The following SUPT20H variants were observed in gnomAD, a reference collection of about 807,000 sequenced individuals.
SUPT20H encodes SPT20 homolog, SAGA complex component, also known as transcription factor SPT20 homolog.
Under a neutral mutation model 122.8 loss-of-function variants are expected in SUPT20H, and 82 were observed. That is an observed-to-expected ratio of 0.67 (90% CI 0.56 to 0.80). The LOEUF (loss-of-function observed/expected upper bound fraction) is 0.80, where lower values mean the gene tolerates loss of function less well. Among genes scored for constraint, SUPT20H ranks in the 30% least tolerant of loss-of-function variants. The pLI, the probability that SUPT20H is intolerant of heterozygous loss-of-function variation, is 0.00. For missense variants in SUPT20H, 831 were observed against 921.6 expected (o/e 0.90, Z 1.27); for synonymous variants, 291 against 313.0 (o/e 0.93, Z 0.74).
intron 2 of SUPT20H, among the ~76,000 whole-genome samples, chr13:37,051,192 C>T (rs1378211562): frequency 6.6e-6 from 1 of 152,082 alleles, no homozygotes; most frequent in African/African-American, 2.4e-5. Context: ...TGTATTTATA[C>T]CCATCCTCCT....
chr13:37,009,350 C>A lies in SUPT20H; in HGVS notation c.*322G>T. The A allele has an allele frequency of 9.6e-7, 1 of 1,044,170 alleles. No homozygotes were observed. 64.7% of individuals were successfully genotyped at this position (1,044,170 alleles called of 1,614,324 possible). On this transcript the variant is annotated 3_prime_UTR_variant, in exon 26 of 26. Coordinates refer to ENST00000350612, the MANE Select transcript of SUPT20H (RefSeq NM_001014286.3). ...TTTGTAAAAATTGTATTTGTTAACACTGTGCACAAACGTTTTATACTAAAT... is the reference window on the plus strand; with the variant it reads ...TTTGTAAAAATTGTATTTGTTAACAATGTGCACAAACGTTTTATACTAAAT...
chr13:37,048,644 C>T (rs1555312320), intron 2 of SUPT20H, 45 bp from the exon 3 acceptor site: 1 of 1,524,100 alleles, frequency 6.6e-7, no homozygotes, highest in South Asian at 1.2e-5. Flanking sequence ...GTTATTTCCA[C>T]AAAAAAATTT....
At chr13:37,027,649 A>G (rs2139771364) in intron 14 of SUPT20H, among the ~76,000 whole-genome samples, 1 of 152,322 alleles carries the variant, frequency 6.6e-6, no homozygotes, top group South Asian at 2.1e-4. Context: ...AAAACTAAAT[A>G]CTGACAGTAC....
chr13:37,031,951 ATG>A, intron 10 of SUPT20H, 56 bp from the exon 11 acceptor site: 1 of 1,467,544 alleles, frequency 6.8e-7, no homozygotes, highest in Admixed American at 2.4e-5. Context: ...CTCATAATAT[ATG>A]TGAGTTGAAA....
At position 37,022,540 on chromosome 13, in the gene SUPT20H, A is replaced by G; in HGVS notation, c.1592-460T>C. 1 of 1,220,278 alleles carries G rather than the reference A, an allele frequency of 8.2e-7. No homozygotes were observed. The highest frequency in any genetic ancestry group is 1.0e-6 in the Non-Finnish European group (1 of 980,678). The allele number at this position is 1,220,278 out of a possible 1,614,324, so 75.6% of individuals were successfully genotyped here. ...ACCTAAAAATCCCATTAAAGATGCT[A>G]TTGCAGTAACAGTAAAAATATACAG... On this transcript the variant is annotated intron_variant, in intron 19 of 25. Coordinates refer to ENST00000350612, the MANE Select transcript of SUPT20H (RefSeq NM_001014286.3). This position sits in a 1 kb window ranked among gnomAD's most constrained non-coding sequence, Gnocchi z 4.5.
intron 16 of SUPT20H, chr13:37,025,720 G>A (rs2139681587): frequency 3.4e-6 from 1 of 296,292 alleles, no homozygotes; most frequent in East Asian, 8.8e-5. Context: ...GTAATAAGCA[G>A]CCAAAGAAAA....
rs1197233200 is a variant in SUPT20H, at chr13:37,045,232, T to C, written c.292+15A>G. ...CAAAAGTATTTTGTGGCAGCTGTGC[T>C]CTAGAGGGTCTTACCTGATCCGTTT... On this transcript the variant is annotated intron_variant, in intron 6 of 25. Transcript: ENST00000350612. 1 of 1,612,288 alleles carries C rather than the reference T, an allele frequency of 6.2e-7. No individual in the cohort carries two copies. The highest frequency in any genetic ancestry group is 1.3e-5 in the African/African-American group (1 of 74,934).
Position 37,048,909 on chromosome 13 carries a change from C to A in SUPT20H, c.4-310G>T, listed in dbSNP as rs553511512. On this transcript the variant is annotated intron_variant, in intron 2 of 25. Transcript: ENST00000350612. ...TCATAGACATTAATTTTTAAGAGCA[C>A]CATTCAAAAAAATATACTGGCCATA... 2.1e-4 allele frequency among the ~76,000 whole-genome samples: 31 copies of A among 150,756 alleles called. No individual in the cohort carries two copies. In the South Asian group the frequency reaches 6.6e-3, roughly 32 times the overall value.
At chr13:37,058,336 C>T (rs1199965) in intron 1 of SUPT20H, among the ~76,000 whole-genome samples, 7,401 of 152,020 alleles carry the variant, frequency 0.049, 593 homozygotes, top group African/African-American at 0.17. Flanking sequence ...AAATGATTTA[C>T]GATCATTTAC....
intron 24 of SUPT20H, 100 bp downstream of exon 24, chr13:37,012,092 G>T: frequency 2.3e-6 from 2 of 884,368 alleles, no homozygotes; most frequent in Admixed American, 2.1e-5. Context: ...CCTGTTTACT[G>T]GTTGCAAGGG....
In SUPT20H at chr13:37,009,724, C is replaced by CT. The variant is rs780703867; in HGVS notation, c.2287dup (p.Ser763LysfsTer6). The CT allele has an allele frequency of 6.2e-7, 1 of 1,614,050 alleles. No homozygotes were observed. The highest frequency in any genetic ancestry group is 1.7e-5 in the Admixed American group (1 of 59,992). ...TCTCTTCATTTTACTTTTTGACTGG[C>CT]TGCCTGTATGCCGATGATGATGTAG... On this transcript the variant is annotated frameshift_variant, in exon 26 of 26. Transcript: ENST00000350612. LOFTEE classifies it high-confidence loss of function.
At position 37,045,341 on chromosome 13, in the gene SUPT20H, C is replaced by T. The variant is rs762157103; in HGVS notation, c.198G>A (p.Lys66=). Residue 66 remains lysine, a synonymous_variant, in exon 6 of 26, where the codon AAG becomes AAA. Transcript: ENST00000350612. ...KLRRNVNLLE[K]LVMQETLSCL... ...ATGACAAAGTCTCTTGCATAACAAG[C>T]TTCTCTAACAAGTTCACATTTCTTC... 17 of 1,613,428 alleles carry T rather than the reference C, an allele frequency of 1.1e-5. No homozygotes were observed. Among genetic ancestry groups the T allele is most frequent in the South Asian group, 2.2e-5 (2 of 91,052 alleles).
chr13:37,016,631 T>A (rs1466561890), intron 23 of SUPT20H, among the ~76,000 whole-genome samples: 1 of 152,110 alleles, frequency 6.6e-6, no homozygotes, highest in Non-Finnish European at 1.5e-5. Context: ...TGGGGGAAAC[T>A]GGGCAAAAGG....
At chr13:37,029,898 A>T (rs1449983195) in intron 12 of SUPT20H, 62 bp from the exon 13 acceptor site, 2 of 1,308,578 alleles carry the variant, frequency 1.5e-6, no homozygotes, top group African/African-American at 3.0e-5. Context: ...AAATGGAATC[A>T]GTATTCTGAT....
At chr13:37,032,237 G>A (rs1036195232) in intron 10 of SUPT20H, among the ~76,000 whole-genome samples, 2 of 152,050 alleles carry the variant, frequency 1.3e-5, no homozygotes, top group Non-Finnish European at 2.9e-5. Context: ...GGAATGGGGA[G>A]AGGGAGGGGA....
At chr13:37,040,479 A>G (rs767814012) in intron 8 of SUPT20H, 21 bp from the exon 9 acceptor site, 1 of 1,569,298 alleles carries the variant, frequency 6.4e-7, no homozygotes, top group Non-Finnish European at 8.6e-7. Flanking sequence ...TAAAAATTTA[A>G]AAAACTTATT....
rs553309663 is a variant in SUPT20H, at chr13:37,028,407, G to A, written c.994-102C>T. The A allele has an allele frequency of 3.1e-5, 33 of 1,067,418 alleles. No individual in the cohort carries two copies. The East Asian group carries it at 5.1e-4, about 17-fold the overall frequency. The allele number at this position is 1,067,418 out of a possible 1,614,324, so 66.1% of individuals were successfully genotyped here. A position where few individuals can be genotyped will look rare whatever the true frequency, so the allele number is the denominator to read the frequency against. Reference sequence around the variant, plus strand: ...AATGATACAGTAACATGTATCTGACGATAGGAAGACACACAGCACTTAGGC... The same window carrying A: ...AATGATACAGTAACATGTATCTGACAATAGGAAGACACACAGCACTTAGGC... On this transcript the variant is annotated intron_variant, in intron 13 of 25. Coordinates refer to ENST00000350612, the MANE Select transcript of SUPT20H (RefSeq NM_001014286.3).
chr13:37,036,447 C>A (rs1232291083), intron 9 of SUPT20H, among the ~76,000 whole-genome samples: 2 of 151,882 alleles, frequency 1.3e-5, no homozygotes, highest in African/African-American at 4.8e-5. Context: ...GCCTCAGCTT[C>A]CTGAGTAGCT....
At chr13:37,040,309 TTGAA>T in intron 9 of SUPT20H, 92 bp downstream of exon 9, 2 of 1,104,432 alleles carry the variant, frequency 1.8e-6, no homozygotes, top group Non-Finnish European at 1.3e-6. Flanking sequence ...AACTTAATTA[TTGAA>T]TAAAAATAAG....
Sources: allele counts gnomAD v4.1 joint callset (sites outside exome capture counted in the v4.1 genomes callset), GRCh38; gene constraint gnomAD v4.1.1; non-coding constraint Gnocchi (gnomAD v3.1); transcripts MANE v1.5; gene names NCBI Gene and HGNC (gene_info 2026-07-23, HGNC 2026-07-21).